The following NBDY variants were observed in gnomAD, a reference collection of about 807,000 sequenced individuals.
NBDY encodes the protein P-body dissociating protein.
intron 2 of NBDY, among the ~76,000 whole-genome samples, chrX:56,801,051 C>T (rs1194137090): frequency 8.9e-6 from 1 of 111,966 alleles, no homozygotes; most frequent in Non-Finnish European, 1.9e-5. Flanking sequence ...GAGGGCATGG[C>T]TCAGCCTGCA....
At chrX:56,766,337 TCA>T (rs773830988) in intron 2 of NBDY, among the ~76,000 whole-genome samples, 65 of 111,659 alleles carry the variant, frequency 5.8e-4, no homozygotes, top group African/African-American at 2.1e-3. Context: ...TTGCCCACTC[TCA>T]CTCACACAGG....
At chrX:56,789,049 C>T (rs2069746099) in intron 2 of NBDY, among the ~76,000 whole-genome samples, 3 of 112,859 alleles carry the variant, frequency 2.7e-5, no homozygotes, top group Non-Finnish European at 5.6e-5. Context: ...CACTGTGGCT[C>T]CGCAAATGGC....
intron 2 of NBDY, among the ~76,000 whole-genome samples, chrX:56,734,625 G>A (rs1451331163): frequency 4.5e-5 from 5 of 111,679 alleles, no homozygotes; most frequent in African/African-American, 1.6e-4. Context: ...CCTAATCAAA[G>A]CTGTCATGCA....
intron 2 of NBDY, among the ~76,000 whole-genome samples, chrX:56,803,801 C>CAACAA (rs770422241): frequency 2.6e-4 from 29 of 111,752 alleles, no homozygotes; most frequent in Middle Eastern, 4.6e-3. Flanking sequence ...CTTTTGCTTC[C>CAACAA]AACAAAACAA....
chrX:56,759,529 A>G (rs1259838185), intron 2 of NBDY, among the ~76,000 whole-genome samples: 4 of 106,778 alleles, frequency 3.7e-5, no homozygotes, highest in African/African-American at 1.4e-4. Flanking sequence ...TTTTTTTCAC[A>G]TGGGAAAAGG....
At chrX:56,762,185 G>T (rs1418639154) in intron 2 of NBDY, among the ~76,000 whole-genome samples, 2 of 111,471 alleles carry the variant, frequency 1.8e-5, no homozygotes, top group Non-Finnish European at 3.8e-5. Flanking sequence ...CTATCCTTCA[G>T]GACAGCTGAG....
intron 2 of NBDY, among the ~76,000 whole-genome samples, chrX:56,741,668 T>C (rs1341852417): frequency 8.9e-6 from 1 of 112,139 alleles, no homozygotes; most frequent in East Asian, 2.8e-4. Flanking sequence ...TTCAAATCTT[T>C]GTCACAATTT....
chrX:56,787,200 G>T (rs755980476), intron 2 of NBDY, among the ~76,000 whole-genome samples: 8 of 110,472 alleles, frequency 7.2e-5, no homozygotes, highest in Non-Finnish European at 1.1e-4. Context: ...CACAATGCAC[G>T]CACTCACAAG....
At chrX:56,809,709 A>G (rs2069875204) in intron 2 of NBDY, among the ~76,000 whole-genome samples, 1 of 111,668 alleles carries the variant, frequency 9.0e-6, no homozygotes, top group Non-Finnish European at 1.9e-5. Flanking sequence ...TCTTTATCCA[A>G]TTTGCCAGTC....
At chrX:56,736,514 C>T (rs954453471) in intron 2 of NBDY, among the ~76,000 whole-genome samples, 11 of 112,091 alleles carry the variant, frequency 9.8e-5, no homozygotes, top group Admixed American at 3.8e-4. Context: ...GATCTGCCTG[C>T]CTCGGCCTCC....
At chrX:56,814,515 G>A (rs1489694757) in intron 2 of NBDY, among the ~76,000 whole-genome samples, 4 of 105,298 alleles carry the variant, frequency 3.8e-5, no homozygotes, top group East Asian at 3.1e-4. Context: ...TTTTCTGAGA[G>A]GGAGTCTCGC....
intron 2 of NBDY, among the ~76,000 whole-genome samples, chrX:56,793,831 A>G (rs2069776569): frequency 9.0e-6 from 1 of 111,039 alleles, no homozygotes; most frequent in South Asian, 3.9e-4. Context: ...AGGACAGAAA[A>G]TGGCTTCCCC....
At chrX:56,783,133 T>C (rs2069705162) in intron 2 of NBDY, among the ~76,000 whole-genome samples, 1 of 112,823 alleles carries the variant, frequency 8.9e-6, no homozygotes, top group Non-Finnish European at 1.9e-5. Context: ...TGGTGGCGTG[T>C]GGCCCTCAAA....
intron 2 of NBDY, among the ~76,000 whole-genome samples, chrX:56,764,229 G>T (rs904614112): frequency 1.8e-5 from 2 of 112,439 alleles, no homozygotes; most frequent in East Asian, 5.6e-4. Flanking sequence ...TTTGTTCCCC[G>T]GGAGGATCGG....
At chrX:56,736,529 G>A (rs183238167) in intron 2 of NBDY, among the ~76,000 whole-genome samples, 3 of 111,696 alleles carry the variant, frequency 2.7e-5, no homozygotes, top group African/African-American at 6.5e-5. Context: ...GCCTCCCAAA[G>A]TGCTGGGACC....
chrX:56,739,782 A>T (rs778849177), intron 2 of NBDY, among the ~76,000 whole-genome samples: 1 of 111,071 alleles, frequency 9.0e-6, no homozygotes, highest in Non-Finnish European at 1.9e-5. Flanking sequence ...ATAATTAATG[A>T]TTTTGCTGGG....
chrX:56,813,943 T>C (rs1460825644), intron 2 of NBDY, among the ~76,000 whole-genome samples: 3 of 112,199 alleles, frequency 2.7e-5, no homozygotes, highest in Non-Finnish European at 5.6e-5. Flanking sequence ...TCATTGCTTC[T>C]TCTCAGTCTG....
At chrX:56,784,526 G>C (rs1010434368) in intron 2 of NBDY, among the ~76,000 whole-genome samples, 2 of 112,155 alleles carry the variant, frequency 1.8e-5, no homozygotes, top group Non-Finnish European at 3.8e-5. Flanking sequence ...TGGTTCACCA[G>C]TTATTTGCCC....
intron 2 of NBDY, among the ~76,000 whole-genome samples, chrX:56,755,385 T>A (rs1242525418): frequency 8.9e-6 from 1 of 112,051 alleles, no homozygotes; most frequent in Non-Finnish European, 1.9e-5. Flanking sequence ...TTTTGCAATC[T>A]ACTCATGTGA....
Sources: allele counts gnomAD v4.1 joint callset (sites outside exome capture counted in the v4.1 genomes callset), GRCh38; gene constraint gnomAD v4.1.1; transcripts MANE v1.5; gene names NCBI Gene and HGNC (gene_info 2026-07-23, HGNC 2026-07-21).